Variants in SORCS1 observed in about 807,000 individuals in gnomAD.
SORCS1 encodes sortilin related VPS10 domain containing receptor 1, also known as VPS10 domain-containing receptor SorCS1.
In SORCS1, 60 loss-of-function variants were observed where a neutral mutation model predicts 146.1. The ratio of observed to expected loss-of-function variants is 0.41; its 90% CI spans 0.33 to 0.51. The LOEUF (loss-of-function observed/expected upper bound fraction) is 0.51, where lower values mean the gene tolerates loss of function less well. Ranked by LOEUF, SORCS1 falls within the 20% of genes least tolerant of loss-of-function variation. The probability of loss-of-function intolerance (pLI) is 0.21; values close to 1 mark genes in which losing one functional copy is unlikely to be tolerated. For synonymous variants in SORCS1, 637 were observed against 584.0 expected, an observed-to-expected ratio of 1.09 and a Z score of -1.31; for missense variants, 1,352 against 1,487.6, an observed-to-expected ratio of 0.91 and a Z score of 1.50.
At chr10:107,014,253 C>CAAAAAAAAAAAAAAAAA (rs562179526) in intron 1 of SORCS1, among the ~76,000 whole-genome samples, 1 of 79,356 alleles carries the variant, frequency 1.3e-5, no homozygotes, top group Admixed American at 1.2e-4. Flanking sequence ...GACCCTGCGT[C>CAAAAAAAAAAAAAAAAA]AAAAAAAAAA....
At chr10:106,591,780 A>AT (rs1336203623) in intron 24 of SORCS1, among the ~76,000 whole-genome samples, 1 of 152,232 alleles carries the variant, frequency 6.6e-6, no homozygotes, top group Admixed American at 6.5e-5. Flanking sequence ...CAAGGGGAAG[A>AT]TGTTGTCCAG....
chr10:106,887,375 C>T (rs1951040164), intron 2 of SORCS1, among the ~76,000 whole-genome samples: 1 of 151,972 alleles, frequency 6.6e-6, no homozygotes, highest in South Asian at 2.1e-4. Context: ...AAAATCATGC[C>T]TGACATTCAG....
chr10:107,110,937 G>T (rs1034627726), intron 1 of SORCS1, among the ~76,000 whole-genome samples: 1 of 152,184 alleles, frequency 6.6e-6, no homozygotes, highest in East Asian at 1.9e-4. Flanking sequence ...TCAGACAAAA[G>T]CCATGCCTAC....
At chr10:106,773,216 G>A (rs1015924842) in intron 4 of SORCS1, among the ~76,000 whole-genome samples, 2 of 152,192 alleles carry the variant, frequency 1.3e-5, no homozygotes, top group Admixed American at 6.5e-5. Flanking sequence ...AAACTGATGA[G>A]CAATACTTAC....
intron 2 of SORCS1, among the ~76,000 whole-genome samples, chr10:106,950,552 C>T (rs996791595): frequency 1.1e-4 from 16 of 152,034 alleles, no homozygotes; most frequent in African/African-American, 3.1e-4. Flanking sequence ...TGTTACAGCA[C>T]GTAGAAAACC....
At chr10:106,668,142 G>A (rs1266698863) in intron 16 of SORCS1, among the ~76,000 whole-genome samples, 1 of 152,156 alleles carries the variant, frequency 6.6e-6, no homozygotes, top group Non-Finnish European at 1.5e-5. Context: ...GAAAACGGGT[G>A]TGGTGGAACT....
At chr10:106,983,678 A>G (rs1344205632) in intron 1 of SORCS1, among the ~76,000 whole-genome samples, 1 of 152,180 alleles carries the variant, frequency 6.6e-6, no homozygotes, top group Non-Finnish European at 1.5e-5. Flanking sequence ...AGCCAGGAAT[A>G]GTAGCCAGGA....
chr10:106,667,649 C>G, intron 17 of SORCS1, 40 bp downstream of exon 17: 1 of 1,423,166 alleles, frequency 7.0e-7, no homozygotes, highest in Non-Finnish European at 9.9e-7. Context: ...TGAAAGGCAG[C>G]AAAGGTTGGC....
intron 1 of SORCS1, among the ~76,000 whole-genome samples, chr10:107,004,874 C>T (rs931210730): frequency 2.0e-5 from 3 of 151,936 alleles, no homozygotes; most frequent in African/African-American, 7.3e-5. Flanking sequence ...GGTGGGTGGG[C>T]CTGTGCGTGT....
intron 1 of SORCS1, among the ~76,000 whole-genome samples, chr10:107,039,170 T>C (rs1242144737): frequency 1.3e-5 from 2 of 151,356 alleles, no homozygotes; most frequent in Non-Finnish European, 2.9e-5. Context: ...TCTAATAAAA[T>C]ACAAAAAAAT....
intron 2 of SORCS1, among the ~76,000 whole-genome samples, chr10:106,906,937 T>C (rs1488133544): frequency 6.6e-6 from 1 of 152,172 alleles, no homozygotes; most frequent in Non-Finnish European, 1.5e-5. Flanking sequence ...AGAATCAGCA[T>C]CCAGACACAA....
At chr10:106,636,171 G>C (rs1848710626) in intron 18 of SORCS1, among the ~76,000 whole-genome samples, 3 of 151,890 alleles carry the variant, frequency 2.0e-5, no homozygotes, top group African/African-American at 7.3e-5. Flanking sequence ...GAAGTGAGAG[G>C]ACCACTTGAG....
Position 106,838,210 on chromosome 10 carries a change from G to A in SORCS1, c.627-8537C>T, listed in dbSNP as rs11597196. 7.9e-3 allele frequency among the ~76,000 whole-genome samples: 1,200 copies of A among 152,334 alleles called. 14 individuals are homozygous for A. Among genetic ancestry groups the A allele is most frequent in the Non-Finnish European group, 0.012 (841 of 68,030 alleles). On this transcript the variant is annotated intron_variant, in intron 2 of 25. Coordinates refer to ENST00000263054, the MANE Select transcript of SORCS1 (RefSeq NM_052918.5). ...CTGCTGTTAGAAGATAAAATCAGCC[G>A]TGTGGAAAGAAGGGACACTAGGGTG...
intron 3 of SORCS1, among the ~76,000 whole-genome samples, chr10:106,807,212 GGAGA>G (rs1048235632): frequency 6.6e-6 from 1 of 152,146 alleles, no homozygotes; most frequent in Non-Finnish European, 1.5e-5. Flanking sequence ...AAGGAAGGAA[GGAGA>G]GAGAGGGAAT....
the SORCS1 span, among the ~76,000 whole-genome samples, chr10:107,178,280 C>T: frequency 0.013 from 1,997 of 152,156 alleles, 17 homozygotes; most frequent in Middle Eastern, 0.065. Context: ...TAACCAACCT[C>T]GCTTCATGCC....
At chr10:106,589,802 A>C (rs2133261829) in intron 24 of SORCS1, among the ~76,000 whole-genome samples, 1 of 152,140 alleles carries the variant, frequency 6.6e-6, no homozygotes, top group Non-Finnish European at 1.5e-5. Flanking sequence ...ACTTGTGTGT[A>C]AATACTTTGT....
intron 2 of SORCS1, among the ~76,000 whole-genome samples, chr10:106,934,100 CAAA>C (rs57432764): frequency 1.0e-5 from 1 of 97,564 alleles, no homozygotes. Flanking sequence ...TCTCAAAAAA[CAAA>C]AAAAAAAAAA....
chr10:107,112,756 T>G (rs896763325), intron 1 of SORCS1, among the ~76,000 whole-genome samples: 1 of 152,136 alleles, frequency 6.6e-6, no homozygotes. Context: ...ACAACATAGA[T>G]TTTCAGTCAA....
At chr10:106,708,822 T>C (rs989420774) in intron 7 of SORCS1, among the ~76,000 whole-genome samples, 3 of 152,176 alleles carry the variant, frequency 2.0e-5, no homozygotes, top group South Asian at 2.1e-4. Context: ...AGGGGGCTGA[T>C]TGGCTGACCC....
Sources: allele counts gnomAD v4.1 joint callset (sites outside exome capture counted in the v4.1 genomes callset), GRCh38; gene constraint gnomAD v4.1.1; transcripts MANE v1.5; gene names NCBI Gene and HGNC (gene_info 2026-07-23, HGNC 2026-07-21).